FANCI: variants seen among roughly 807,000 people sequenced by gnomAD.
The protein encoded by FANCI is FA complementation group I.
Under a neutral mutation model 176.1 loss-of-function variants are expected in FANCI, and 156 were observed. The observed-to-expected ratio is 0.89, with a 90% confidence interval of 0.78 to 1.01. FANCI has a LOEUF of 1.01. FANCI is among the 50% of genes least tolerant of loss of function. FANCI has a pLI of 0.00. For synonymous variants in FANCI, 613 were observed against 541.7 expected (o/e 1.13, Z -1.83); for missense variants, 1,678 against 1,534.1 (o/e 1.09, Z -1.57).
chr15:89,314,873 C>T (rs2055155588), intron 36 of FANCI, among the ~76,000 whole-genome samples, 166 bp downstream of exon 36: 2 of 112,944 alleles, frequency 1.8e-5, no homozygotes, highest in Admixed American at 2.7e-4. Flanking sequence ...GACTGTGTCT[C>T]ATTCTGTCAC....
At chr15:89,261,454 A>C in intron 4 of FANCI, 131 bp from the exon 5 acceptor site, 1 of 1,158,850 alleles carries the variant, frequency 8.6e-7, no homozygotes, top group East Asian at 2.3e-5. Context: ...GAATGATTCC[A>C]TAAATCCCTT....
At chr15:89,256,985 C>A (rs1201759086) in intron 2 of FANCI, among the ~76,000 whole-genome samples, 1 of 152,210 alleles carries the variant, frequency 6.6e-6, no homozygotes, top group Non-Finnish European at 1.5e-5. Context: ...CGGCTCACTG[C>A]AAGCTCCGCT....
At chr15:89,301,004 G>A (rs2238303) in intron 26 of FANCI, among the ~76,000 whole-genome samples, 2 of 152,042 alleles carry the variant, frequency 1.3e-5, no homozygotes, top group South Asian at 2.1e-4. Context: ...TTGGTGCCTT[G>A]TCTAAGCCTG....
At chr15:89,296,310 A>T (rs2054269605) in intron 24 of FANCI, among the ~76,000 whole-genome samples, 1 of 145,658 alleles carries the variant, frequency 6.9e-6, no homozygotes, top group Non-Finnish European at 1.5e-5. Flanking sequence ...ATTTCACCAT[A>T]TTGCCCAGGC....
chr15:89,272,652 A>G (rs1198422425), intron 10 of FANCI, among the ~76,000 whole-genome samples: 1 of 152,068 alleles, frequency 6.6e-6, no homozygotes, highest in African/African-American at 2.4e-5. Flanking sequence ...TCAAGGACCT[A>G]TTTTTATTTT....
Position 89,268,510 on chromosome 15 carries a change from C to T in FANCI, c.867C>T (p.Leu289=), listed in dbSNP as rs376849566. The change falls in exon 10 of 38, where the codon CTC becomes CTT. Residue 289 remains leucine, a synonymous_variant. Coordinates refer to ENST00000310775, the MANE Select transcript of FANCI (RefSeq NM_001113378.2). ...TGGACTATGAACTAGGCAGAGAACT[C>T]GTGAAACACTTAAAGGTAGCATCAA... ...IKLDYELGRE[L]VKHLKVGQQG... is the part of the protein sequence containing the mutation. 9 of 1,614,010 alleles carry T rather than the reference C, an allele frequency of 5.6e-6. No homozygotes were observed. Among genetic ancestry groups the T allele is most frequent in the African/African-American group, 1.3e-5 (1 of 74,902 alleles).
In FANCI at chr15:89,305,409, TGTAA is replaced by T. The variant is rs913962121; in HGVS notation, c.3255+3_3255+6del. 1.9e-6 allele frequency: 3 copies of T among 1,613,248 alleles called. No homozygotes were observed. Among genetic ancestry groups the T allele is most frequent in the Non-Finnish European group, 1.7e-6 (2 of 1,179,972 alleles). On this transcript the variant is annotated splice_donor_variant and splice_donor_region_variant and intron_variant, in intron 30 of 37. Coordinates refer to ENST00000310775, the MANE Select transcript of FANCI (RefSeq NM_001113378.2). LOFTEE classifies it high-confidence loss of function. ...TGAGAACGGCTGCCCCCACTGTCTGTGTAAGTGTTGTACCTGAGCCATGGGGAAT... is the reference window on the plus strand; with the variant it reads ...TGAGAACGGCTGCCCCCACTGTCTGTGTGTTGTACCTGAGCCATGGGGAAT...
intron 2 of FANCI, 60 bp downstream of exon 2, chr15:89,247,791 A>G: frequency 6.9e-7 from 1 of 1,445,000 alleles, no homozygotes; most frequent in Non-Finnish European, 9.7e-7. Context: ...ACACATTCAA[A>G]GGACATGTGA....
intron 13 of FANCI, among the ~76,000 whole-genome samples, chr15:89,277,611 CAAAA>C (rs554395033): frequency 2.0e-5 from 1 of 48,946 alleles, no homozygotes. Context: ...GATCCTATCT[CAAAA>C]AAAAAAAAAA....
At chr15:89,285,027 G>T in intron 17 of FANCI, 69 bp from the exon 18 acceptor site, 1 of 1,607,450 alleles carries the variant, frequency 6.2e-7, no homozygotes, top group Non-Finnish European at 8.5e-7. Context: ...CAAGAACATA[G>T]GCTCATTTAG....
chr15:89,297,007 C>G (rs2054313877), intron 24 of FANCI, among the ~76,000 whole-genome samples: 1 of 149,956 alleles, frequency 6.7e-6, no homozygotes, highest in Non-Finnish European at 1.5e-5. Flanking sequence ...GGCGGCTGGC[C>G]TGGCGGGGGC....
chr15:89,297,206 G>A (rs961940538), intron 24 of FANCI, among the ~76,000 whole-genome samples: 25 of 151,808 alleles, frequency 1.6e-4, no homozygotes, highest in Non-Finnish European at 2.5e-4. Context: ...ACGGGGCGGC[G>A]GGGCAGAGGC....
Position 89,299,953 on chromosome 15 carries a change from T to A in FANCI, c.2790T>A (p.Phe930Leu). ...QQFYQPKIQQ[F>L]LRALDVTDKE... ...TCTATCAGCCCAAGATTCAGCAGTTTCTCAGAGCTCTGGGTAAGCATTGCA... is the reference window on the plus strand; with the variant it reads ...TCTATCAGCCCAAGATTCAGCAGTTACTCAGAGCTCTGGGTAAGCATTGCA... The change falls in exon 25 of 38, where the codon TTT (phenylalanine) becomes TTA (leucine). Residue 930 changes from phenylalanine (F) to leucine (L), a missense_variant. By Grantham distance (22) the Phe-to-Leu change is conservative (BLOSUM62 0). Around this residue, in one of 3 missense-constraint regions of FANCI, gnomAD observed 1,204 missense variants for 1,077.4 expected, o/e 1.12. Transcript: ENST00000310775. The A allele has an allele frequency of 6.2e-7, 1 of 1,614,018 alleles. No homozygotes were observed. The highest frequency in any genetic ancestry group is 1.1e-5 in the South Asian group (1 of 91,048).
intron 35 of FANCI, among the ~76,000 whole-genome samples, chr15:89,313,390 A>C (rs950442152): frequency 5.3e-5 from 8 of 152,236 alleles, no homozygotes; most frequent in Admixed American, 5.2e-4. Flanking sequence ...CAGATGGAGC[A>C]TCTTATTTTT....
At chr15:89,302,543 C>G (rs1441669859) in intron 27 of FANCI, among the ~76,000 whole-genome samples, 1 of 152,024 alleles carries the variant, frequency 6.6e-6, no homozygotes, top group Non-Finnish European at 1.5e-5. Flanking sequence ...CCTACCCCTT[C>G]TCCCTTAACT....
intron 35 of FANCI, among the ~76,000 whole-genome samples, chr15:89,314,120 C>CACACATAT (rs1567180147): frequency 1.0e-4 from 15 of 147,778 alleles, no homozygotes; most frequent in African/African-American, 3.9e-4. Flanking sequence ...GGAGGAAAGA[C>CACACATAT]ACACACACAA....
intron 34 of FANCI, among the ~76,000 whole-genome samples, chr15:89,312,596 G>C (rs1055336046): frequency 2.0e-5 from 3 of 152,116 alleles, no homozygotes; most frequent in Non-Finnish European, 4.4e-5. Context: ...GAGGCCGGCA[G>C]ATCACCTGAG....
chr15:89,253,795 G>C lies in FANCI; in HGVS notation c.85-4909G>C, dbSNP rs1275660858. Among the ~76,000 whole-genome samples, 5 of 136,782 alleles carry C rather than the reference G, an allele frequency of 3.7e-5. No individual in the cohort carries two copies. The South Asian group carries it at 7.9e-4, about 21-fold the overall frequency. The allele number at this position is 136,782 out of a possible 152,430, so 89.7% of individuals were successfully genotyped here. On this transcript the variant is annotated intron_variant, in intron 2 of 37. Coordinates refer to ENST00000310775, the MANE Select transcript of FANCI (RefSeq NM_001113378.2). Reference sequence around the variant, plus strand: ...ATTCATAAATAACTTGTGGGGGGGGGGGGGAAGATAAACTGTATTTTAAAA... The same window carrying C: ...ATTCATAAATAACTTGTGGGGGGGGCGGGGAAGATAAACTGTATTTTAAAA...
chr15:89,273,041 T>G (rs1347612953), intron 10 of FANCI, among the ~76,000 whole-genome samples: 1 of 152,110 alleles, frequency 6.6e-6, no homozygotes, highest in East Asian at 1.9e-4. Flanking sequence ...GGTTCACACC[T>G]GTAATCCCAG....
Sources: gnomAD v4.1 joint callset for allele counts (sites outside exome capture counted in the v4.1 genomes callset) on GRCh38, gnomAD v4.1.1 for gene constraint, gnomAD v4.1.1 regional missense constraint, MANE v1.5 for transcripts, NCBI Gene and HGNC (gene_info 2026-07-23, HGNC 2026-07-21) for gene names.